The following TMEFF2 variants were observed in gnomAD, a reference collection of about 807,000 sequenced individuals.
TMEFF2 encodes the protein tomoregulin-2.
TMEFF2 carries 28 observed loss-of-function variants against 53.8 expected under a neutral mutation model. The ratio of observed to expected loss-of-function variants is 0.52; its 90% CI spans 0.39 to 0.71. The LOEUF is 0.71. Ranked by LOEUF, TMEFF2 falls within the 30% of genes least tolerant of loss-of-function variation. TMEFF2 has a pLI of 0.00. For synonymous variants in TMEFF2, 162 were observed against 166.3 expected (o/e 0.97, Z 0.20); for missense variants, 353 against 455.2 (o/e 0.78, Z 2.04).
At chr2:192,154,953 C>T (rs1690472183) in intron 4 of TMEFF2, among the ~76,000 whole-genome samples, 1 of 151,836 alleles carries the variant, frequency 6.6e-6, no homozygotes, top group Admixed American at 6.6e-5. Context: ...TTCTATAAAA[C>T]TTATAAGATC....
chr2:192,117,977 C>CTTTTTTTTTTTTTTTTTTTTTT (rs1553521415), intron 4 of TMEFF2, among the ~76,000 whole-genome samples: 3 of 124,958 alleles, frequency 2.4e-5, no homozygotes, highest in African/African-American at 1.1e-4. Context: ...TCTTTCATTG[C>CTTTTTTTTTTTTTTTTTTTTTT]TTTGTTTGTG....
At chr2:192,166,098 A>C (rs548555232) in intron 4 of TMEFF2, among the ~76,000 whole-genome samples, 1 of 152,278 alleles carries the variant, frequency 6.6e-6, no homozygotes, top group South Asian at 2.1e-4. Context: ...AGGTGTGTTG[A>C]GCCAGATGAA....
In TMEFF2 at chr2:192,120,799, C is replaced by T. The variant is rs193049952; in HGVS notation, c.439+58869G>A. ...TCGCCCAGGCTGGAGTGCAATGGCA[C>T]AATCTCAGCTCACCACAACCTCCGC... On this transcript the variant is annotated intron_variant, in intron 4 of 9. Transcript: ENST00000272771. 2.9e-3 allele frequency among the ~76,000 whole-genome samples: 444 copies of T among 151,806 alleles called. 8 individuals are homozygous for T. The highest frequency in any genetic ancestry group is 4.4e-4 in the Non-Finnish European group (30 of 67,948).
intron 7 of TMEFF2, among the ~76,000 whole-genome samples, chr2:191,968,588 G>A (rs148929689): frequency 6.3e-4 from 96 of 152,276 alleles, no homozygotes; most frequent in African/African-American, 2.2e-3. Flanking sequence ...GACTACTTCT[G>A]TAGCAGAATT....
intron 4 of TMEFF2, among the ~76,000 whole-genome samples, chr2:192,146,564 T>G (rs1690254424): frequency 1.3e-5 from 2 of 152,060 alleles, no homozygotes; most frequent in African/African-American, 4.8e-5. Flanking sequence ...ACTGCTACAT[T>G]TCTGATTCAT....
chr2:192,051,134 A>G (rs1687760548), intron 5 of TMEFF2, among the ~76,000 whole-genome samples: 2 of 152,204 alleles, frequency 1.3e-5, no homozygotes, highest in Admixed American at 1.3e-4. Context: ...CCTCAACTCC[A>G]GGAATCTTGA....
intron 5 of TMEFF2, among the ~76,000 whole-genome samples, chr2:192,016,517 A>G (rs1188391406): frequency 6.6e-6 from 1 of 152,240 alleles, no homozygotes; most frequent in African/African-American, 2.4e-5. Context: ...TGGCTTAAGA[A>G]GACCCTGCTC....
chr2:192,021,478 C>T (rs1003881069), intron 5 of TMEFF2, among the ~76,000 whole-genome samples: 1 of 152,092 alleles, frequency 6.6e-6, no homozygotes, highest in Non-Finnish European at 1.5e-5. Flanking sequence ...TCTACCATTC[C>T]TCCTAGGTAC....
chr2:192,055,093 A>T lies in TMEFF2; in HGVS notation c.536+2586T>A, dbSNP rs1011001351. Among the ~76,000 whole-genome samples the T allele has an allele frequency of 1.3e-5, 2 of 152,340 alleles. 1 individual carries two copies. Among genetic ancestry groups the T allele is most frequent in the South Asian group, 4.1e-4 (2 of 4,830 alleles). On this transcript the variant is annotated intron_variant, in intron 5 of 9. Transcript: ENST00000272771. ...ATGTACATTTTTTAAAAAGTGAAAC[A>T]ATTTATAAGAAAACAGCTTGAAAAA... is the stretch of plus-strand genomic sequence containing the variant.
chr2:191,964,380 T>TTCTTTCTTTCTTTC (rs1692394731), intron 7 of TMEFF2, among the ~76,000 whole-genome samples: 2 of 39,872 alleles, frequency 5.0e-5, no homozygotes, highest in Non-Finnish European at 1.1e-4. Context: ...TTCTCTTTCT[T>TTCTTTCTTTCTTTC]TCTTTCTTTC....
intron 5 of TMEFF2, among the ~76,000 whole-genome samples, chr2:192,016,347 C>A (rs1173474279): frequency 6.6e-6 from 1 of 152,168 alleles, no homozygotes; most frequent in African/African-American, 2.4e-5. Flanking sequence ...GATCAAGGGT[C>A]ATTTATTTTA....
At chr2:192,153,583 T>G (rs1331979959) in intron 4 of TMEFF2, among the ~76,000 whole-genome samples, 1 of 151,904 alleles carries the variant, frequency 6.6e-6, no homozygotes, top group African/African-American at 2.4e-5. Context: ...TGGGACATTT[T>G]AATTAGACTA....
rs559542695 is a variant in TMEFF2 at position 192,006,461 on chromosome 2, T to A, written c.537-7253A>T. 9.9e-5 allele frequency among the ~76,000 whole-genome samples: 15 copies of A among 152,282 alleles called. No individual in the cohort carries two copies. The South Asian group carries it at 2.9e-3, about 29-fold the overall frequency. On this transcript the variant is annotated intron_variant, in intron 5 of 9. Transcript: ENST00000272771. ...GACTGATGGCCACATATTGAAATAA[T>A]GTCTAATTATAATAAAGACAGATGG...
chr2:192,124,630 T>C (rs13035034), intron 4 of TMEFF2, among the ~76,000 whole-genome samples: 22,377 of 152,158 alleles, frequency 0.15, 2,388 homozygotes, highest in African/African-American at 0.28. Context: ...ATTTATGTGG[T>C]CAACCTCAGA....
intron 4 of TMEFF2, among the ~76,000 whole-genome samples, chr2:192,106,445 CA>C (rs1423071575): frequency 6.6e-6 from 1 of 151,158 alleles, no homozygotes; most frequent in Non-Finnish European, 1.5e-5. Flanking sequence ...GATAATAAAC[CA>C]AAAAGTTATT....
chr2:192,005,279 CG>C (rs1559081370), intron 5 of TMEFF2, among the ~76,000 whole-genome samples: 1 of 152,226 alleles, frequency 6.6e-6, no homozygotes, highest in East Asian at 1.9e-4. Context: ...TCAATATTTT[CG>C]GGGGGTTTGA....
intron 5 of TMEFF2, chr2:192,034,585 T>C (rs1007337013): frequency 6.6e-6 from 1 of 152,234 alleles, no homozygotes. Context: ...AATATATTCT[T>C]CTTGTCAGAA....
chr2:192,114,761 T>C (rs1689361493), intron 4 of TMEFF2, among the ~76,000 whole-genome samples: 1 of 151,712 alleles, frequency 6.6e-6, no homozygotes, highest in Non-Finnish European at 1.5e-5. Flanking sequence ...ACATAAAACA[T>C]GGATAAAAGA....
At chr2:192,066,949 C>G (rs1286120409) in intron 4 of TMEFF2, among the ~76,000 whole-genome samples, 1 of 151,650 alleles carries the variant, frequency 6.6e-6, no homozygotes, top group Admixed American at 6.6e-5. Flanking sequence ...TTATTTAATT[C>G]CTGAAAGATG....
Sources: allele counts gnomAD v4.1 joint callset (sites outside exome capture counted in the v4.1 genomes callset), GRCh38; gene constraint gnomAD v4.1.1; transcripts MANE v1.5; gene names NCBI Gene and HGNC (gene_info 2026-07-23, HGNC 2026-07-21).